The following PRICKLE2 variants were observed in gnomAD, a reference collection of about 807,000 sequenced individuals.
PRICKLE2 encodes prickle-like protein 2.
In PRICKLE2, 21 loss-of-function variants were observed where a neutral mutation model predicts 81.4. That is an observed-to-expected ratio of 0.26 (90% confidence interval 0.18 to 0.37). PRICKLE2 has a LOEUF of 0.37. Ranked by LOEUF, PRICKLE2 falls within the 10% of genes least tolerant of loss-of-function variation. PRICKLE2 has a pLI of 1.00. For synonymous variants in PRICKLE2, 456 were observed against 421.5 expected (o/e 1.08, Z -1.00); for missense variants, 940 against 1,109.0 (o/e 0.85, Z 2.16).
At chr3:64,131,399 G>A (rs2077194375) in intron 7 of PRICKLE2, among the ~76,000 whole-genome samples, 1 of 152,178 alleles carries the variant, frequency 6.6e-6, no homozygotes. Context: ...TCTTCTTAAG[G>A]ACCAACAGAA....
intron 2 of PRICKLE2, among the ~76,000 whole-genome samples, chr3:64,249,165 G>A (rs76597107): frequency 1.3e-3 from 193 of 152,236 alleles, no homozygotes; most frequent in Non-Finnish European, 2.4e-3. Flanking sequence ...GCACAACTGG[G>A]AAACCTCGGG....
At chr3:64,142,056 A>G in intron 7 of PRICKLE2, 2 of 525,240 alleles carry the variant, frequency 3.8e-6, no homozygotes, top group Non-Finnish European at 4.9e-6. Flanking sequence ...AGCAGCAAAA[A>G]CACCAACTTT....
In PRICKLE2 at chr3:64,100,067, T is replaced by A. The variant is rs113459181; in HGVS notation, c.1661-142A>T. The A allele has an allele frequency of 1.8e-4, 162 of 881,676 alleles. 1 individual carries two copies. In the African/African-American group the frequency reaches 2.3e-3, roughly 12 times the overall value. The allele number at this position is 881,676 out of a possible 1,614,324, so 54.6% of individuals were successfully genotyped here. A position where few individuals can be genotyped will look rare whatever the true frequency, so the allele number is the denominator to read the frequency against. On this transcript the variant is annotated intron_variant, in intron 7 of 7. Transcript: ENST00000638394. ...CACAAAGGCCCTCTCAGGGGGCACA[T>A]GTGCCTGTGAGGGGGTTCTCTCCAC...
intron 2 of PRICKLE2, among the ~76,000 whole-genome samples, chr3:64,267,326 G>A (rs1340995649): frequency 6.6e-6 from 1 of 152,072 alleles, no homozygotes; most frequent in Non-Finnish European, 1.5e-5. Context: ...ATCCAGAGTT[G>A]CTTCATTACC....
chr3:64,128,590 A>C (rs2077147997), intron 7 of PRICKLE2, among the ~76,000 whole-genome samples: 1 of 152,104 alleles, frequency 6.6e-6, no homozygotes, highest in South Asian at 2.1e-4. Context: ...TACTAAAAAT[A>C]CAAAAAATTA....
At chr3:64,167,461 A>G (rs2077853981) in intron 2 of PRICKLE2, among the ~76,000 whole-genome samples, 1 of 152,242 alleles carries the variant, frequency 6.6e-6, no homozygotes, top group Non-Finnish European at 1.5e-5. Flanking sequence ...TGGCTTATGA[A>G]AATGAAATAG....
chr3:64,151,541 C>T (rs896632307), intron 6 of PRICKLE2, among the ~76,000 whole-genome samples: 9 of 152,174 alleles, frequency 5.9e-5, no homozygotes, highest in Non-Finnish European at 1.2e-4. Context: ...GGCTCTTAGC[C>T]TCCAAGGACA....
upstream of PRICKLE2, among the ~76,000 whole-genome samples, chr3:64,228,452 C>A (rs943455258): frequency 1.3e-5 from 2 of 152,116 alleles, no homozygotes; most frequent in Admixed American, 6.5e-5. Flanking sequence ...ATCACACTTA[C>A]ACAGAATATT....
intron 7 of PRICKLE2, among the ~76,000 whole-genome samples, chr3:64,114,073 G>A (rs1350666638): frequency 6.6e-6 from 1 of 152,080 alleles, no homozygotes; most frequent in African/African-American, 2.4e-5. Context: ...GTCCCCCAGA[G>A]TAAGAGCACA....
chr3:64,189,973 G>C (rs2078302650), intron 2 of PRICKLE2, among the ~76,000 whole-genome samples: 1 of 152,160 alleles, frequency 6.6e-6, no homozygotes, highest in South Asian at 2.1e-4. Flanking sequence ...TTCATGTCCA[G>C]GGATGTCTTG....
At chr3:64,226,892 G>A (rs1216217820), upstream of PRICKLE2, among the ~76,000 whole-genome samples, 1 of 152,180 alleles carries the variant, frequency 6.6e-6, no homozygotes, top group Non-Finnish European at 1.5e-5. Context: ...GGGGAGGCTG[G>A]GAGGGAGGAA....
At chr3:64,154,102 C>T (rs2077589129) in intron 5 of PRICKLE2, 2 of 152,346 alleles carry the variant, frequency 1.3e-5, no homozygotes, top group Non-Finnish European at 2.9e-5. Flanking sequence ...TAAACTCATA[C>T]ATACATGGTC....
intron 7 of PRICKLE2, chr3:64,100,677 G>A (rs2076644931): frequency 6.6e-6 from 1 of 152,222 alleles, no homozygotes; most frequent in Non-Finnish European, 1.5e-5. Flanking sequence ...CTCAAACAGT[G>A]GGTGCCCCAG....
At chr3:64,259,882 G>A (rs962804290) in intron 2 of PRICKLE2, among the ~76,000 whole-genome samples, 1 of 152,162 alleles carries the variant, frequency 6.6e-6, no homozygotes, top group African/African-American at 2.4e-5. Context: ...CTGGCTTCCA[G>A]AACAGTAAGA....
At chr3:64,145,789 G>A (rs942518018) in intron 7 of PRICKLE2, 1 of 151,956 alleles carries the variant, frequency 6.6e-6, no homozygotes, top group African/African-American at 2.4e-5. Context: ...CAGGTGCTGT[G>A]AGTACTGCCA....
At chr3:64,192,242 G>A (rs2107102105) in intron 2 of PRICKLE2, among the ~76,000 whole-genome samples, 1 of 152,324 alleles carries the variant, frequency 6.6e-6, no homozygotes, top group East Asian at 1.9e-4. Context: ...TCTCTTAACA[G>A]ATGTTTGCTG....
chr3:64,228,580 A>AG (rs759455801), upstream of PRICKLE2, among the ~76,000 whole-genome samples: 1 of 151,900 alleles, frequency 6.6e-6, no homozygotes, highest in Non-Finnish European at 1.5e-5. Context: ...AGAAAAAGTG[A>AG]GAAAAAACTA....
intron 7 of PRICKLE2, among the ~76,000 whole-genome samples, chr3:64,121,838 A>T (rs1189747598): frequency 6.6e-6 from 1 of 152,198 alleles, no homozygotes; most frequent in Non-Finnish European, 1.5e-5. Context: ...AGGGTAGCAG[A>T]AAAGAATGAC....
intron 2 of PRICKLE2, among the ~76,000 whole-genome samples, chr3:64,187,263 G>A (rs915488725): frequency 5.3e-5 from 8 of 152,324 alleles, no homozygotes; most frequent in African/African-American, 1.9e-4. Context: ...TGCACACACA[G>A]GCATATTTCC....
Sources: allele counts gnomAD v4.1 joint callset (sites outside exome capture counted in the v4.1 genomes callset), GRCh38; gene constraint gnomAD v4.1.1; transcripts MANE v1.5; gene names NCBI Gene and HGNC (gene_info 2026-07-23, HGNC 2026-07-21).